METTL25: variants seen among roughly 807,000 people sequenced by gnomAD.
METTL25 encodes the protein methyltransferase like 25.
Under a neutral mutation model 71.6 loss-of-function variants are expected in METTL25, and 64 were observed. The observed-to-expected ratio is 0.89, with a 90% CI of 0.73 to 1.10. METTL25 has a LOEUF of 1.10. Among genes scored for constraint, METTL25 ranks in the 50% least tolerant of loss-of-function variants. The probability of loss-of-function intolerance (pLI) is 0.00; values close to 1 mark genes in which losing one functional copy is unlikely to be tolerated. For missense variants in METTL25, 807 were observed against 707.0 expected, an observed-to-expected ratio of 1.14 and a Z score of -1.60; for synonymous variants, 287 against 250.3, an observed-to-expected ratio of 1.15 and a Z score of -1.38.
chr12:82,371,476 C>T lies in METTL25; in HGVS notation c.259+12652C>T, dbSNP rs1005966743. Among the ~76,000 whole-genome samples, 11 of 152,144 alleles carry T rather than the reference C, an allele frequency of 7.2e-5. No homozygotes were observed. The South Asian group carries it at 8.3e-4, about 11-fold the overall frequency. ...AAACCACACTGATAACAAGCCCTACCGGGTGATTGGCCTGCTCCATTTTCT... is the reference window on the plus strand; with the variant it reads ...AAACCACACTGATAACAAGCCCTACTGGGTGATTGGCCTGCTCCATTTTCT... On this transcript the variant is annotated intron_variant, in intron 1 of 11. Transcript: ENST00000248306.
intron 5 of METTL25, among the ~76,000 whole-genome samples, chr12:82,417,241 T>C (rs1178405995): frequency 1.3e-5 from 2 of 152,164 alleles, no homozygotes; most frequent in East Asian, 3.9e-4. Flanking sequence ...GATTGTAAGA[T>C]GCCTATCAAC....
rs768466364 is a variant in METTL25 at position 82,358,529 on chromosome 12, A to T, written c.-37A>T. 6.2e-7 allele frequency: 1 copy of T among 1,601,506 alleles called. No individual in the cohort carries two copies. Among genetic ancestry groups the T allele is most frequent in the South Asian group, 1.1e-5 (1 of 90,912 alleles). On this transcript the variant is annotated 5_prime_UTR_variant, in exon 1 of 12. An upstream start codon of the reference 5' UTR is lost. Coordinates refer to ENST00000248306, the MANE Select transcript of METTL25 (RefSeq NM_032230.3). ...TGGGCCGAGCTGGCGCCTCACGGCCATGTTTGCGCCACCTACAGCCTCGGA... is the reference window on the plus strand; with the variant it reads ...TGGGCCGAGCTGGCGCCTCACGGCCTTGTTTGCGCCACCTACAGCCTCGGA...
At chr12:82,435,722 T>C (rs1253906563) in intron 7 of METTL25, among the ~76,000 whole-genome samples, 1 of 151,378 alleles carries the variant, frequency 6.6e-6, no homozygotes, top group African/African-American at 2.4e-5. Context: ...TATAGGGTTG[T>C]TAGGATGAAG....
chr12:82,432,137 T>A (rs1265808724), intron 6 of METTL25, among the ~76,000 whole-genome samples: 1 of 151,748 alleles, frequency 6.6e-6, no homozygotes, highest in Non-Finnish European at 1.5e-5. Context: ...ATATGTTTAA[T>A]GTCCAACTGC....
rs766710791 is a variant in METTL25, at chr12:82,399,146, A to T, written c.883A>T (p.Thr295Ser). 86 of 1,613,604 alleles carry T rather than the reference A, an allele frequency of 5.3e-5. No homozygotes were observed. The highest frequency in any genetic ancestry group is 7.1e-5 in the Non-Finnish European group (84 of 1,179,862). Residue 295 changes from threonine (T) to serine (S), a missense_variant, in exon 4 of 12, where the codon ACC becomes TCC. Physicochemically the swap from Thr to Ser is moderately conservative, Grantham distance 58 (BLOSUM62 1). Coordinates refer to ENST00000248306, the MANE Select transcript of METTL25 (RefSeq NM_032230.3). ...VISNIRNQME[T>S]LHSQPHQEEN... is the part of the protein sequence containing the mutation. ...TTCTAATATCAGAAACCAAATGGAA[A>T]CCCTTCATTCTCAGCCACATCAAGA...
intron 1 of METTL25, among the ~76,000 whole-genome samples, chr12:82,365,568 G>A (rs1262995592): frequency 6.6e-6 from 1 of 152,170 alleles, no homozygotes; most frequent in East Asian, 1.9e-4. Flanking sequence ...GTGTTCTTGG[G>A]AAGTAATGAC....
intron 5 of METTL25, among the ~76,000 whole-genome samples, chr12:82,425,654 GTA>G (rs1184472361): frequency 6.6e-6 from 1 of 152,042 alleles, no homozygotes; most frequent in Non-Finnish European, 1.5e-5. Context: ...ATTGCTCTTA[GTA>G]TAAAGGATGG....
intron 5 of METTL25, among the ~76,000 whole-genome samples, chr12:82,410,148 GCTTA>G (rs142265461): frequency 0.018 from 2,755 of 152,098 alleles, 76 homozygotes; most frequent in African/African-American, 0.063. Context: ...TACTGTTTAA[GCTTA>G]CTTAAACAAA....
chr12:82,369,566 T>C (rs1882978056), intron 1 of METTL25: 1 of 403,208 alleles, frequency 2.5e-6, no homozygotes, highest in African/African-American at 2.1e-5. Context: ...TCACGGTGAG[T>C]GTTAACAGCT....
intron 1 of METTL25, among the ~76,000 whole-genome samples, chr12:82,360,615 C>T (rs181029705): frequency 2.4e-4 from 37 of 152,210 alleles, no homozygotes; most frequent in Admixed American, 1.0e-3. Context: ...CCATGAAGAT[C>T]TCTGGAGGGA....
intron 9 of METTL25, among the ~76,000 whole-genome samples, chr12:82,467,430 C>T (rs1892303311): frequency 1.3e-5 from 2 of 151,934 alleles, no homozygotes; most frequent in African/African-American, 2.4e-5. Context: ...AGATGTAAGA[C>T]TCATTTGAGT....
At chr12:82,385,343 TA>T (rs1292272972) in intron 1 of METTL25, among the ~76,000 whole-genome samples, 2 of 152,118 alleles carry the variant, frequency 1.3e-5, no homozygotes, top group Non-Finnish European at 2.9e-5. Context: ...ATTTAATAAG[TA>T]ACTACAGAAG....
intron 5 of METTL25, among the ~76,000 whole-genome samples, chr12:82,427,930 A>G (rs1372138071): frequency 6.6e-6 from 1 of 151,968 alleles, no homozygotes; most frequent in African/African-American, 2.4e-5. Flanking sequence ...GGACATTTAT[A>G]TTTCAATCCA....
chr12:82,444,348 CAG>C (rs1423074622), intron 8 of METTL25, among the ~76,000 whole-genome samples: 2 of 152,120 alleles, frequency 1.3e-5, no homozygotes, highest in East Asian at 3.9e-4. Flanking sequence ...CCCAGATAAA[CAG>C]AAGCTGAAGG....
intron 1 of METTL25, among the ~76,000 whole-genome samples, chr12:82,363,953 G>A (rs999626324): frequency 6.6e-6 from 1 of 152,086 alleles, no homozygotes; most frequent in Non-Finnish European, 1.5e-5. Flanking sequence ...AAATACACTG[G>A]GAGAATTAAA....
intron 1 of METTL25, among the ~76,000 whole-genome samples, chr12:82,370,343 T>C (rs1883085913): frequency 6.6e-6 from 1 of 152,118 alleles, no homozygotes; most frequent in Non-Finnish European, 1.5e-5. Flanking sequence ...AGGTGAGTAA[T>C]AGCAAGATGG....
intron 6 of METTL25, among the ~76,000 whole-genome samples, chr12:82,431,725 T>G (rs977611548): frequency 6.6e-6 from 1 of 151,752 alleles, no homozygotes; most frequent in Non-Finnish European, 1.5e-5. Context: ...GATGGGGTTA[T>G]GTCCCAATAA....
intron 9 of METTL25, among the ~76,000 whole-genome samples, chr12:82,464,584 T>C (rs1339048196): frequency 6.6e-6 from 1 of 152,062 alleles, no homozygotes; most frequent in Non-Finnish European, 1.5e-5. Flanking sequence ...AAGATTGCTT[T>C]GGCTATTCTG....
At chr12:82,386,414 C>G (rs531580743) in intron 1 of METTL25, among the ~76,000 whole-genome samples, 1 of 151,136 alleles carries the variant, frequency 6.6e-6, no homozygotes, top group East Asian at 2.0e-4. Flanking sequence ...TTTTAACCAA[C>G]CTACCTTCCT....
Sources: allele counts gnomAD v4.1 joint callset (sites outside exome capture counted in the v4.1 genomes callset), GRCh38; gene constraint gnomAD v4.1.1; transcripts MANE v1.5; gene names NCBI Gene and HGNC (gene_info 2026-07-23, HGNC 2026-07-21).